PPM1B: variants seen among roughly 807,000 people sequenced by gnomAD.
The protein encoded by PPM1B is protein phosphatase, Mg2+/Mn2+ dependent 1B.
PPM1B carries 22 observed loss-of-function variants against 43.0 expected under a neutral mutation model. The ratio of observed to expected loss-of-function variants is 0.51; its 90% CI spans 0.37 to 0.73. The LOEUF (loss-of-function observed/expected upper bound fraction) is 0.73. Among genes scored for constraint, PPM1B ranks in the 30% least tolerant of loss-of-function variants. The pLI, the probability that PPM1B is intolerant of heterozygous loss-of-function variation, is 0.00. For missense variants in PPM1B, 632 were observed against 584.2 expected (o/e 1.08, Z -0.84); for synonymous variants, 217 against 197.9 (o/e 1.10, Z -0.81).
intron 1 of PPM1B, among the ~76,000 whole-genome samples, chr2:44,189,295 A>T (rs552989604): frequency 2.0e-5 from 3 of 152,156 alleles, no homozygotes; most frequent in Non-Finnish European, 4.4e-5. Context: ...TTTTGTCTGT[A>T]TGAGAGGAGA....
downstream of PPM1B, among the ~76,000 whole-genome samples, chr2:44,239,152 T>G (rs1187461456): frequency 9.6e-6 from 1 of 103,970 alleles, no homozygotes; most frequent in Non-Finnish European, 1.8e-5. Context: ...CCAGCCTGGG[T>G]AACAGAATGA....
chr2:44,243,162 CACTA>C (rs979647993), intron 5 of PPM1B, among the ~76,000 whole-genome samples: 5 of 152,186 alleles, frequency 3.3e-5, no homozygotes, highest in Non-Finnish European at 5.9e-5. Context: ...GCTTTCTACT[CACTA>C]TGATTGGAGC....
chr2:44,213,584 G>A (rs1019475231), intron 3 of PPM1B: 5 of 152,016 alleles, frequency 3.3e-5, no homozygotes, highest in Admixed American at 3.3e-4. Flanking sequence ...TTGGAGAATG[G>A]GGATTTATCT....
At chr2:44,245,278 C>T (rs547885519), downstream of PPM1B, among the ~76,000 whole-genome samples, 7 of 151,920 alleles carry the variant, frequency 4.6e-5, no homozygotes, top group Admixed American at 1.3e-4. Flanking sequence ...GGGCAGATCT[C>T]TAACTATATA....
At chr2:44,169,844 T>G (rs1667238710) in intron 1 of PPM1B, among the ~76,000 whole-genome samples, 1 of 152,196 alleles carries the variant, frequency 6.6e-6, no homozygotes, top group Non-Finnish European at 1.5e-5. Flanking sequence ...TTGCCTGTCT[T>G]CCCTAGCACC....
intron 5 of PPM1B, among the ~76,000 whole-genome samples, chr2:44,225,155 A>C (rs1189357355): frequency 1.3e-5 from 2 of 152,248 alleles, no homozygotes; most frequent in Non-Finnish European, 1.5e-5. Context: ...GTGAGGATTC[A>C]GTAAGATTAT....
chr2:44,169,340 C>A (rs1667202232), intron 1 of PPM1B, 66 bp downstream of exon 1: 1 of 152,396 alleles, frequency 6.6e-6, no homozygotes, highest in Admixed American at 6.5e-5. Context: ...AGGCCCCGGG[C>A]CCTGGGCAGG....
downstream of PPM1B, among the ~76,000 whole-genome samples, chr2:44,237,500 C>G (rs1308530548): frequency 6.6e-6 from 1 of 152,144 alleles, no homozygotes; most frequent in East Asian, 1.9e-4. Flanking sequence ...CAGATATGCT[C>G]TTCTAATTCA....
chr2:44,217,419 T>C (rs1017788108), intron 3 of PPM1B, among the ~76,000 whole-genome samples: 46 of 151,714 alleles, frequency 3.0e-4, no homozygotes, highest in African/African-American at 1.0e-3. Context: ...AAAAAAGCTG[T>C]AGAATGTAAC....
intron 5 of PPM1B, among the ~76,000 whole-genome samples, chr2:44,223,962 C>G (rs528065371): frequency 7.3e-5 from 11 of 150,690 alleles, no homozygotes; most frequent in Non-Finnish European, 8.9e-5. Context: ...TAAAATTATT[C>G]ATTAAATTTG....
chr2:44,218,022 C>T lies in PPM1B; in HGVS notation c.1020C>T (p.Arg340=). 1 of 1,613,054 alleles carries T rather than the reference C, an allele frequency of 6.2e-7. No individual in the cohort carries two copies. Among genetic ancestry groups the T allele is most frequent in the Non-Finnish European group, 8.5e-7 (1 of 1,179,700 alleles). The stretch of plus-strand genomic sequence containing the variant: ...TGCCTGATCTTGCCCATGTCATGCG[C>T]ATCTTGTCTGCAGAAAATATCCCAA... The part of the protein sequence containing the change: ...EGMPDLAHVM[R]ILSAENIPNL... Residue 340 remains arginine, a synonymous_variant, in exon 4 of 6, where the codon CGC becomes CGT. Coordinates refer to ENST00000282412, the MANE Select transcript of PPM1B (RefSeq NM_002706.6).
intron 2 of PPM1B, among the ~76,000 whole-genome samples, chr2:44,203,844 T>C (rs772094566): frequency 3.9e-5 from 6 of 152,232 alleles, no homozygotes; most frequent in Admixed American, 6.5e-5. Flanking sequence ...TGTTAGTAGA[T>C]TAACTCACTT....
chr2:44,226,823 C>T (rs537207192), intron 5 of PPM1B, among the ~76,000 whole-genome samples: 11 of 142,022 alleles, frequency 7.7e-5, no homozygotes, highest in South Asian at 2.2e-4. Context: ...TGTGATATAC[C>T]GTAAAGTAGA....
At chr2:44,218,386 C>G (rs1342429822) in intron 4 of PPM1B, 94 bp from the exon 5 acceptor site, 7 of 962,938 alleles carry the variant, frequency 7.3e-6, no homozygotes, top group African/African-American at 1.7e-5. Context: ...GTACCAGTTA[C>G]TTTTTTAGTG....
At chr2:44,242,402 A>C (rs1670769399) in intron 5 of PPM1B, among the ~76,000 whole-genome samples, 1 of 152,172 alleles carries the variant, frequency 6.6e-6, no homozygotes, top group Non-Finnish European at 1.5e-5. Context: ...TTTCTCCTTA[A>C]AAAAGGTAAA....
At chr2:44,172,643 T>C (rs548246716) in intron 1 of PPM1B, among the ~76,000 whole-genome samples, 21 of 152,308 alleles carry the variant, frequency 1.4e-4, no homozygotes, top group African/African-American at 5.1e-4. Flanking sequence ...AAAATGTTTC[T>C]AGGCCGGGCA....
At chr2:44,204,644 G>A (rs758930523) in intron 2 of PPM1B, among the ~76,000 whole-genome samples, 3 of 151,936 alleles carry the variant, frequency 2.0e-5, no homozygotes, top group Admixed American at 6.6e-5. Flanking sequence ...AGATGACGAG[G>A]TCAGGAGATC....
rs754060418 is a variant in PPM1B, at chr2:44,201,183, C to T, written c.-14-3C>T. 3.2e-6 allele frequency: 5 copies of T among 1,562,212 alleles called. No homozygotes were observed. The South Asian group carries it at 6.1e-5, about 19-fold the overall frequency. On this transcript the variant is annotated splice_region_variant and splice_polypyrimidine_tract_variant and intron_variant, in intron 1 of 5. Transcript: ENST00000282412. This position sits in a 1 kb window ranked among gnomAD's most constrained non-coding sequence, Gnocchi z 5.4. The stretch of plus-strand genomic sequence containing the variant: ...CATTTAACACCTGCATTTTTTATTT[C>T]AGATTTATTGCTAAACATGGGTGCA...
chr2:44,206,503 A>C (rs1030689136), intron 2 of PPM1B, among the ~76,000 whole-genome samples: 2 of 152,240 alleles, frequency 1.3e-5, no homozygotes, highest in African/African-American at 4.8e-5. Context: ...TTGGAGAACC[A>C]TAAATTTATT....
Sources: allele counts gnomAD v4.1 joint callset (sites outside exome capture counted in the v4.1 genomes callset), GRCh38; gene constraint gnomAD v4.1.1; non-coding constraint Gnocchi (gnomAD v3.1); transcripts MANE v1.5; gene names NCBI Gene and HGNC (gene_info 2026-07-23, HGNC 2026-07-21).